MYBPHL: variants seen among roughly 807,000 people sequenced by gnomAD.
MYBPHL encodes the protein myosin-binding protein H-like.
MYBPHL carries 32 observed loss-of-function variants against 39.5 expected under a neutral mutation model. The observed-to-expected ratio is 0.81, with a 90% CI of 0.61 to 1.09. The LOEUF (loss-of-function observed/expected upper bound fraction) is 1.09, where lower values mean the gene tolerates loss of function less well. MYBPHL is among the 50% of genes least tolerant of loss of function. The probability of loss-of-function intolerance (pLI) is 0.00; values close to 1 mark genes in which losing one functional copy is unlikely to be tolerated. For missense variants in MYBPHL, 456 were observed against 460.2 expected, an observed-to-expected ratio of 0.99 and a Z score of 0.08; for synonymous variants, 196 against 183.7, an observed-to-expected ratio of 1.07 and a Z score of -0.54.
Position 109,296,292 on chromosome 1 carries a change from C to T in MYBPHL, c.809G>A (p.Cys270Tyr). The T allele has an allele frequency of 6.2e-7, 1 of 1,614,102 alleles. No individual in the cohort carries two copies. The highest frequency in any genetic ancestry group is 8.5e-7 in the Non-Finnish European group (1 of 1,180,000). Residue 270 changes from cysteine (C) to tyrosine (Y), a missense_variant, in exon 6 of 9, where the codon TGC becomes TAC. By Grantham distance (194) the Cys-to-Tyr change is radical. Coordinates refer to ENST00000357155, the MANE Select transcript of MYBPHL (RefSeq NM_001010985.3). ...GGTATTATAGCCGGTGACTGTAGTG[C>T]AGTCGGCCAGAGGCTGGGTAAACTT... ...APKFTQPLAD[C>Y]TTVTGYNTQL...
chr1:109,305,561 C>T (rs934312653), intron 1 of MYBPHL, among the ~76,000 whole-genome samples: 3 of 152,184 alleles, frequency 2.0e-5, no homozygotes, highest in Non-Finnish European at 2.9e-5. Flanking sequence ...AGAGCTGAGG[C>T]GTCAGCAGTC....
intron 1 of MYBPHL, among the ~76,000 whole-genome samples, chr1:109,306,586 T>G (rs1202544813): frequency 6.6e-6 from 1 of 152,168 alleles, no homozygotes. Context: ...CAGATCATTT[T>G]TAGTCACTGT....
intron 1 of MYBPHL, among the ~76,000 whole-genome samples, chr1:109,303,465 TG>T (rs1485033935): frequency 6.6e-6 from 1 of 152,178 alleles, no homozygotes; most frequent in Non-Finnish European, 1.5e-5. Context: ...GTAACAGGAC[TG>T]GGGGAAAATA....
chr1:109,294,321 GA>G (rs1657977561), intron 7 of MYBPHL, 72 bp from the exon 8 acceptor site: 19 of 1,433,112 alleles, frequency 1.3e-5, no homozygotes, highest in Non-Finnish European at 1.7e-5. Flanking sequence ...CAGAGCATTA[GA>G]AAGGAATATT....
chr1:109,301,829 A>G (rs1000485337), intron 1 of MYBPHL, among the ~76,000 whole-genome samples: 1 of 151,876 alleles, frequency 6.6e-6, no homozygotes, highest in African/African-American at 2.4e-5. Flanking sequence ...TACCTACCCT[A>G]CTTTTATCCT....
In MYBPHL at chr1:109,297,635, T is replaced by C. The variant is rs1198053653; in HGVS notation, c.235-18A>G. On this transcript the variant is annotated intron_variant, in intron 2 of 8. Transcript: ENST00000357155. ...GGCTTGCCCTGAGGAATGAGGGTAA[T>C]GCTTTGAGCAGCCCCGAGAGGCTTC... 3 of 1,606,502 alleles carry C rather than the reference T, an allele frequency of 1.9e-6. No individual in the cohort carries two copies.
intron 1 of MYBPHL, among the ~76,000 whole-genome samples, chr1:109,302,713 C>T (rs1465817742): frequency 6.6e-6 from 1 of 152,214 alleles, no homozygotes; most frequent in Non-Finnish European, 1.5e-5. Context: ...TGGCCATTCT[C>T]TAGACCAAGA....
chr1:109,294,253 T>C lies in MYBPHL; in HGVS notation c.1055-4A>G. The C allele has an allele frequency of 1.2e-6, 2 of 1,609,918 alleles. No individual in the cohort carries two copies. The highest frequency in any genetic ancestry group is 1.7e-6 in the Non-Finnish European group (2 of 1,176,066). ...CTTAGGTGTCCTCAATTAGGAACTG[T>C]AATAATTCGGACATTTCTCAGTGTT... On this transcript the variant is annotated splice_region_variant and splice_polypyrimidine_tract_variant and intron_variant, in intron 7 of 8. Coordinates refer to ENST00000357155, the MANE Select transcript of MYBPHL (RefSeq NM_001010985.3).
chr1:109,294,318 T>C, intron 7 of MYBPHL, 69 bp from the exon 8 acceptor site: 1 of 1,454,018 alleles, frequency 6.9e-7, no homozygotes, highest in East Asian at 2.3e-5. Context: ...TTTCAGAGCA[T>C]TAGAAAGGAA....
chr1:109,297,329 G>A, intron 3 of MYBPHL, 93 bp downstream of exon 3: 1 of 1,556,768 alleles, frequency 6.4e-7, no homozygotes, highest in Non-Finnish European at 8.7e-7. Context: ...TGGGAGCCTT[G>A]CCGCAGCTTC....
chr1:109,305,147 T>C (rs1658419757), intron 1 of MYBPHL, among the ~76,000 whole-genome samples: 1 of 152,152 alleles, frequency 6.6e-6, no homozygotes, highest in South Asian at 2.1e-4. Flanking sequence ...CATTAGATTT[T>C]CCTAGGGGTC....
rs563608191 is a variant in MYBPHL, at chr1:109,296,495, G to A, written c.731-125C>T. 16 of 1,245,350 alleles carry A rather than the reference G, an allele frequency of 1.3e-5. No individual in the cohort carries two copies. In the East Asian group the frequency reaches 3.4e-4, roughly 26 times the overall value. The allele number at this position is 1,245,350 out of a possible 1,614,324, so 77.1% of individuals were successfully genotyped here. ...ACTCTATTGCCCAGGCTGGAGTGCA[G>A]TGGCACGATCTCAGCTCACTGCAAC... On this transcript the variant is annotated intron_variant, in intron 5 of 8. Transcript: ENST00000357155.
chr1:109,295,179 C>T lies in MYBPHL; in HGVS notation c.986G>A (p.Gly329Asp), dbSNP rs1220064059. 2 of 1,614,008 alleles carry T rather than the reference C, an allele frequency of 1.2e-6. No individual in the cohort carries two copies. Among genetic ancestry groups the T allele is most frequent in the Non-Finnish European group, 1.7e-6 (2 of 1,180,034 alleles). The change falls in exon 7 of 9, where the codon GGC becomes GAC. Residue 329 changes from glycine to aspartate, a missense_variant. Gly to Asp is a moderately conservative substitution (Grantham distance 94). Coordinates refer to ENST00000357155, the MANE Select transcript of MYBPHL (RefSeq NM_001010985.3). ...GTTCACCGCCTTGCAGGTATAGATG[C>T]CTCCATCAAAGGGACCCGGCTTGCG... is the stretch of plus-strand genomic sequence containing the variant. Reference protein sequence around the residue: ...EIRKPGPFDGGIYTCKAVNPL... With the variant: ...EIRKPGPFDGDIYTCKAVNPL...
In MYBPHL at chr1:109,295,123, C is replaced by T. The variant is rs747993127; in HGVS notation, c.1042G>A (p.Val348Met). 6.2e-7 allele frequency: 1 copy of T among 1,613,292 alleles called. No homozygotes were observed. The highest frequency in any genetic ancestry group is 1.3e-5 in the African/African-American group (1 of 75,018). ...CTCTTGCCCTTACCTTTCACATCCA[C>T]CCGACAGTCCACAGATGCCTCCCCT... ...PLGEASVDCR[V>M]DVKVPN The change falls in exon 7 of 9, where the codon GTG (valine) becomes ATG (methionine). Residue 348 changes from valine to methionine, a missense_variant. Val to Met is a conservative substitution (Grantham distance 21). Transcript: ENST00000357155.
In MYBPHL at chr1:109,306,993, C is replaced by A. The variant is rs773379332; in HGVS notation, c.-2G>T. On this transcript the variant is annotated 5_prime_UTR_variant, in exon 1 of 9. Coordinates refer to ENST00000357155, the MANE Select transcript of MYBPHL (RefSeq NM_001010985.3). ...CTCCGGAGCTGTGGCTGCCTCCATG[C>A]TGGGCCTTCCCAGAGGCTGAGCTCC... The A allele has an allele frequency of 2.5e-5, 41 of 1,609,434 alleles. No individual in the cohort carries two copies. Among genetic ancestry groups the A allele is most frequent in the Non-Finnish European group, 3.5e-5 (41 of 1,178,004 alleles).
Position 109,296,912 on chromosome 1 carries a change from G to A in MYBPHL, c.601C>T (p.Arg201Cys), listed in dbSNP as rs4384262. 1.1e-5 allele frequency: 17 copies of A among 1,614,012 alleles called. No individual in the cohort carries two copies. The highest frequency in any genetic ancestry group is 5.0e-5 in the Admixed American group (3 of 60,006). Residue 201 changes from arginine to cysteine, a missense_variant, in exon 5 of 9, where the codon CGC (arginine) becomes TGC (cysteine). Physicochemically the swap from Arg to Cys is radical, Grantham distance 180 (BLOSUM62 -3). Coordinates refer to ENST00000357155, the MANE Select transcript of MYBPHL (RefSeq NM_001010985.3). ...LWFTVLEHYH[R>C]TSCIVSDLII... ...AGGTCAGAGACGATGCAGCTGGTGC[G>A]GTGATAGTGCTCCAGCACCGTGAAC...
At chr1:109,303,508 T>C (rs1392078028) in intron 1 of MYBPHL, among the ~76,000 whole-genome samples, 8 of 152,192 alleles carry the variant, frequency 5.3e-5, no homozygotes, top group African/African-American at 1.9e-4. Flanking sequence ...TTGAGGGCCA[T>C]TAATAGTGAC....
intron 1 of MYBPHL, among the ~76,000 whole-genome samples, chr1:109,306,431 C>T (rs1489983998): frequency 1.3e-5 from 2 of 152,148 alleles, no homozygotes; most frequent in African/African-American, 2.4e-5. Context: ...CCACTCTTAG[C>T]CTCCCCATTG....
chr1:109,293,109 A>C lies in MYBPHL; in HGVS notation c.*34-521T>G, dbSNP rs187500456. The C allele has an allele frequency of 1.9e-4, 29 of 151,474 alleles. 1 individual carries two copies. In the East Asian group the frequency reaches 5.4e-3, roughly 28 times the overall value. 9.4% of individuals were successfully genotyped at this position (151,474 alleles called of 1,614,324 possible). On this transcript the variant is annotated intron_variant, in intron 8 of 8. Transcript: ENST00000357155. ...AAGTAAAAAACAAATATATTAATCC[A>C]TTTTTTTTTACCATGCTCATGATCC...
Sources: gnomAD v4.1 joint callset for allele counts (sites outside exome capture counted in the v4.1 genomes callset) on GRCh38, gnomAD v4.1.1 for gene constraint, MANE v1.5 for transcripts, NCBI Gene and HGNC (gene_info 2026-07-23, HGNC 2026-07-21) for gene names.